Variants in NUP214 observed in about 807,000 individuals in gnomAD.
NUP214 encodes nucleoporin 214.
NUP214 carries 79 observed loss-of-function variants against 196.2 expected under a neutral mutation model. That is an observed-to-expected ratio of 0.40 (90% CI 0.34 to 0.49). The LOEUF (loss-of-function observed/expected upper bound fraction) is 0.49, where lower values mean the gene tolerates loss of function less well. NUP214 is among the 20% of genes least tolerant of loss of function. The probability of loss-of-function intolerance (pLI) is 0.58; values close to 1 mark genes in which losing one functional copy is unlikely to be tolerated. For missense variants in NUP214, 2,468 were observed against 2,539.0 expected (o/e 0.97, Z 0.60); for synonymous variants, 1,020 against 990.5 (o/e 1.03, Z -0.56).
At chr9:131,166,600 CA>C (rs747891715) in intron 21 of NUP214, among the ~76,000 whole-genome samples, 11 of 152,156 alleles carry the variant, frequency 7.2e-5, no homozygotes, top group Non-Finnish European at 1.5e-4. Context: ...AAAAACAACA[CA>C]CATTAAGTGC....
At chr9:131,213,271 G>T (rs1834298012) in intron 30 of NUP214, among the ~76,000 whole-genome samples, 1 of 151,836 alleles carries the variant, frequency 6.6e-6, no homozygotes, top group Admixed American at 6.6e-5. Flanking sequence ...TGCCTCCCGG[G>T]TTCAAGCGAT....
At chr9:131,152,305 T>C (rs78893149) in intron 17 of NUP214, among the ~76,000 whole-genome samples, 7,152 of 152,036 alleles carry the variant, frequency 0.047, 260 homozygotes, top group African/African-American at 0.1. Flanking sequence ...TTTGGAGAGA[T>C]AAGGTGTTAC....
Position 131,219,235 on chromosome 9 carries a change from A to G in NUP214, c.5750-3543A>G, listed in dbSNP as rs1169107069. Reference sequence around the variant, plus strand: ...AGGTCCAAGAGGAGATGTATACTGCAGAAGTTGCACAGCTACTAAGTGGCG... The same window carrying G: ...AGGTCCAAGAGGAGATGTATACTGCGGAAGTTGCACAGCTACTAAGTGGCG... On this transcript the variant is annotated intron_variant, in intron 31 of 35. Coordinates refer to ENST00000359428, the MANE Select transcript of NUP214 (RefSeq NM_005085.4). Among the ~76,000 whole-genome samples, 4 of 152,268 alleles carry G rather than the reference A, an allele frequency of 2.6e-5. No homozygotes were observed. The East Asian group carries it at 5.8e-4, about 22-fold the overall frequency.
At chr9:131,157,699 G>A (rs942496944) in intron 17 of NUP214, among the ~76,000 whole-genome samples, 3 of 152,070 alleles carry the variant, frequency 2.0e-5, no homozygotes, top group African/African-American at 4.8e-5. Context: ...AGGTTGGAGT[G>A]CAGTGGCATG....
intron 6 of NUP214, chr9:131,132,863 G>A: frequency 3.2e-6 from 2 of 618,386 alleles, no homozygotes; most frequent in South Asian, 4.1e-5. Context: ...GACATGAAAT[G>A]GATCCCGACT....
rs1328643719 is a variant in NUP214, at chr9:131,147,783, T to G, written c.2040+199T>G. Among the ~76,000 whole-genome samples, 4 of 152,354 alleles carry G rather than the reference T, an allele frequency of 2.6e-5. No individual in the cohort carries two copies. In the East Asian group the frequency reaches 7.7e-4, roughly 29 times the overall value. The stretch of plus-strand genomic sequence containing the variant: ...CCATTTAGCTATTTTAATTTTTTAT[T>G]CATGTATAATACAAATAGAAAAAAG... On this transcript the variant is annotated intron_variant, in intron 14 of 35. Coordinates refer to ENST00000359428, the MANE Select transcript of NUP214 (RefSeq NM_005085.4).
intron 31 of NUP214, among the ~76,000 whole-genome samples, chr9:131,218,352 C>T (rs894888375): frequency 1.3e-5 from 2 of 152,144 alleles, no homozygotes; most frequent in South Asian, 2.1e-4. Flanking sequence ...AGCTGGGAGT[C>T]GTCTGGGGAA....
intron 26 of NUP214, chr9:131,189,970 G>A (rs978725267): frequency 1.2e-5 from 2 of 160,044 alleles, no homozygotes; most frequent in Non-Finnish European, 2.7e-5. Context: ...TCATACATTA[G>A]CAGCCTGCGT....
At chr9:131,139,016 A>G (rs145356921) in intron 9 of NUP214, among the ~76,000 whole-genome samples, 5 of 152,300 alleles carry the variant, frequency 3.3e-5, no homozygotes, top group Admixed American at 6.5e-5. Flanking sequence ...TTATTTATTT[A>G]CAAGGCAGAG....
At chr9:131,190,388 A>G (rs1268686761) in intron 26 of NUP214, 2 of 674,340 alleles carry the variant, frequency 3.0e-6, no homozygotes, top group Non-Finnish European at 5.3e-6. Context: ...AAGTAGTGTG[A>G]CTTGCAAGAA....
intron 31 of NUP214, among the ~76,000 whole-genome samples, 170 bp downstream of exon 31, chr9:131,215,538 T>A (rs1160421974): frequency 6.6e-6 from 1 of 152,016 alleles, no homozygotes; most frequent in Non-Finnish European, 1.5e-5. Flanking sequence ...TATTTTTGGT[T>A]TTTTAATGAG....
intron 30 of NUP214, among the ~76,000 whole-genome samples, chr9:131,205,347 A>G (rs1442004124): frequency 6.6e-6 from 1 of 152,238 alleles, no homozygotes; most frequent in Non-Finnish European, 1.5e-5. Context: ...AGTACCAAGT[A>G]TTGGTGAGGA....
chr9:131,183,680 T>C (rs1256885814), intron 24 of NUP214, among the ~76,000 whole-genome samples: 1 of 152,202 alleles, frequency 6.6e-6, no homozygotes, highest in Non-Finnish European at 1.5e-5. Context: ...GATGTTCCTC[T>C]ACTTTAAAAA....
chr9:131,180,004 A>G (rs888238512), intron 24 of NUP214, among the ~76,000 whole-genome samples: 1 of 152,214 alleles, frequency 6.6e-6, no homozygotes, highest in African/African-American at 2.4e-5. Flanking sequence ...TTTCTGAGAT[A>G]TATTAGGTGC....
intron 18 of NUP214, 131 bp from the exon 19 acceptor site, chr9:131,162,860 G>T (rs1440362519): frequency 2.5e-6 from 2 of 811,226 alleles, no homozygotes; most frequent in Non-Finnish European, 4.0e-6. Context: ...TTTCTTAATG[G>T]TTCTTGTCCA....
chr9:131,192,980 T>C (rs1833653704), intron 27 of NUP214, among the ~76,000 whole-genome samples: 1 of 136,040 alleles, frequency 7.4e-6, no homozygotes, highest in African/African-American at 2.7e-5. Flanking sequence ...GCTTACTGCA[T>C]CGAGAGTACA....
At chr9:131,187,637 T>G (rs1232350106) in intron 25 of NUP214, among the ~76,000 whole-genome samples, 2 of 152,228 alleles carry the variant, frequency 1.3e-5, no homozygotes, top group East Asian at 3.9e-4. Flanking sequence ...TCCATCTGCC[T>G]CGGCCTCCCA....
At position 131,229,647 on chromosome 9, in the gene NUP214, C is replaced by T. The variant is rs758235192; in HGVS notation, c.6075-983C>T. 4 of 498,450 alleles carry T rather than the reference C, an allele frequency of 8.0e-6. No homozygotes were observed. In the East Asian group the frequency reaches 2.2e-4, roughly 28 times the overall value. 30.9% of individuals were successfully genotyped at this position (498,450 alleles called of 1,614,324 possible). A position where few individuals can be genotyped will look rare whatever the true frequency, so the allele number is the denominator to read the frequency against. On this transcript the variant is annotated intron_variant, in intron 33 of 35. Transcript: ENST00000359428. Reference sequence around the variant, plus strand: ...CAGTTATTAAATCTCCATAAGAGCCCATTACCTTCTTCCAGGTCCCTGGCC... The same window carrying T: ...CAGTTATTAAATCTCCATAAGAGCCTATTACCTTCTTCCAGGTCCCTGGCC...
At chr9:131,127,490 A>C in intron 1 of NUP214, 34 bp from the exon 2 acceptor site, 1 of 1,545,812 alleles carries the variant, frequency 6.5e-7, no homozygotes, top group South Asian at 1.2e-5. Context: ...TTCTTTCTTT[A>C]TTGAATTGAT....
Sources: allele counts gnomAD v4.1 joint callset (sites outside exome capture counted in the v4.1 genomes callset), GRCh38; gene constraint gnomAD v4.1.1; transcripts MANE v1.5; gene names NCBI Gene and HGNC (gene_info 2026-07-23, HGNC 2026-07-21).